The following MYO10 variants were observed in gnomAD, a reference collection of about 807,000 sequenced individuals.
MYO10 encodes myosin X.
A neutral mutation model predicts 257.3 loss-of-function variants in MYO10; 133 were observed. The observed-to-expected ratio is 0.52, with a 90% confidence interval of 0.45 to 0.60. The LOEUF (loss-of-function observed/expected upper bound fraction) is 0.60, where lower values mean the gene tolerates loss of function less well. MYO10 is among the 20% of genes least tolerant of loss of function. MYO10 has a pLI of 0.00. For synonymous variants in MYO10, 1,104 were observed against 1,028.6 expected, an observed-to-expected ratio of 1.07 and a Z score of -1.40; for missense variants, 2,399 against 2,635.7, an observed-to-expected ratio of 0.91 and a Z score of 1.97.
At chr5:16,912,242 T>C (rs1745678602) in intron 1 of MYO10, among the ~76,000 whole-genome samples, 1 of 152,152 alleles carries the variant, frequency 6.6e-6, no homozygotes, top group Non-Finnish European at 1.5e-5. Flanking sequence ...AACCAAAACA[T>C]TTTATGTTAC....
intron 1 of MYO10, among the ~76,000 whole-genome samples, chr5:16,927,473 A>C (rs1471572701): frequency 1.3e-5 from 2 of 152,020 alleles, no homozygotes; most frequent in East Asian, 1.9e-4. Flanking sequence ...TACAGGTGCC[A>C]GCCACCACGC....
At chr5:16,923,710 G>A (rs1056081408) in intron 1 of MYO10, among the ~76,000 whole-genome samples, 1 of 147,810 alleles carries the variant, frequency 6.8e-6, no homozygotes, top group Non-Finnish European at 1.5e-5. Context: ...TAACATCCTG[G>A]CCACCTAACA....
chr5:16,760,972 T>A (rs923258340), intron 17 of MYO10, among the ~76,000 whole-genome samples: 3 of 151,324 alleles, frequency 2.0e-5, no homozygotes, highest in African/African-American at 7.3e-5. Context: ...ATATTATTAT[T>A]ATTATTATTA....
intron 19 of MYO10, among the ~76,000 whole-genome samples, chr5:16,730,813 C>G (rs1196039441): frequency 6.6e-6 from 1 of 152,120 alleles, no homozygotes; most frequent in African/African-American, 2.4e-5. Context: ...TAGAGAGGAT[C>G]TGACAAAGGC....
chr5:16,694,908 A>ACAC (rs1471311346), intron 26 of MYO10, among the ~76,000 whole-genome samples: 4 of 152,240 alleles, frequency 2.6e-5, no homozygotes, highest in Non-Finnish European at 5.9e-5. Context: ...TAATGAACTG[A>ACAC]CACTCTAACC....
At chr5:16,771,177 T>G (rs1199125704) in intron 9 of MYO10, among the ~76,000 whole-genome samples, 1 of 152,048 alleles carries the variant, frequency 6.6e-6, no homozygotes, top group African/African-American at 2.4e-5. Context: ...GCGATAAAAA[T>G]AGGGAGAAAT....
rs1553996647 is a variant in MYO10 at position 16,792,132 on chromosome 5, CAGAGAG to C, written c.467+2508_467+2513del. Among the ~76,000 whole-genome samples, 33 of 75,382 alleles carry C rather than the reference CAGAGAG, an allele frequency of 4.4e-4. 1 individual carries two copies. Among genetic ancestry groups the C allele is most frequent in the Admixed American group, 8.7e-4 (6 of 6,934 alleles). The allele number at this position is 75,382 out of a possible 152,430, so 49.5% of individuals were successfully genotyped here. A position where few individuals can be genotyped will look rare whatever the true frequency, so the allele number is the denominator to read the frequency against. ...ACATACACACACACACACACACACA[CAGAGAG>C]AGAGAGAGAGAGAGAGAGAGAGAGA... On this transcript the variant is annotated intron_variant, in intron 4 of 40. Coordinates refer to ENST00000513610, the MANE Select transcript of MYO10 (RefSeq NM_012334.3).
intron 1 of MYO10, among the ~76,000 whole-genome samples, chr5:16,898,668 C>G (rs1745282632): frequency 6.6e-6 from 1 of 151,744 alleles, no homozygotes; most frequent in Admixed American, 6.6e-5. Context: ...CTCAGCCTCT[C>G]AAAGTGCTGG....
intron 1 of MYO10, among the ~76,000 whole-genome samples, chr5:16,924,259 A>C (rs1427250933): frequency 2.0e-5 from 3 of 152,174 alleles, no homozygotes; most frequent in Non-Finnish European, 2.9e-5. Flanking sequence ...CCTTGTTTGC[A>C]ATTAACAGAA....
intron 21 of MYO10, among the ~76,000 whole-genome samples, chr5:16,704,972 A>C (rs1275822631): frequency 1.3e-5 from 2 of 152,222 alleles, no homozygotes; most frequent in Non-Finnish European, 2.9e-5. Context: ...TAAGATGACT[A>C]CCAAATTGCT....
chr5:16,763,525 T>C lies in MYO10; in HGVS notation c.1450A>G (p.Ile484Val). The C allele has an allele frequency of 6.2e-7, 1 of 1,612,296 alleles. No individual in the cohort carries two copies. The change falls in exon 14 of 41, where the codon ATT becomes GTT. Residue 484 changes from isoleucine to valine, a missense_variant. By Grantham distance (29) the Ile-to-Val change is conservative. Coordinates refer to ENST00000513610, the MANE Select transcript of MYO10 (RefSeq NM_012334.3). ...CATTCTCCATTGTCTATCCAGTCAA[T>C]ATCTTCCCACACTAATCCTTCCCTG... The part of the protein sequence containing the change: ...YSREGLVWED[I>V]DWIDNGECLD...
intron 1 of MYO10, among the ~76,000 whole-genome samples, chr5:16,889,559 GGAAA>G (rs911670164): frequency 4.0e-5 from 6 of 148,726 alleles, no homozygotes; most frequent in South Asian, 2.1e-4. Flanking sequence ...AGGAAAGGAA[GGAAA>G]GAAAGAAAGA....
chr5:16,759,161 G>A (rs964556720), intron 17 of MYO10, among the ~76,000 whole-genome samples: 3 of 152,180 alleles, frequency 2.0e-5, no homozygotes, highest in Non-Finnish European at 2.9e-5. Flanking sequence ...GACTTCAGGT[G>A]ATCCACCCGC....
In MYO10 at chr5:16,818,435, TTTG is replaced by T. The variant is rs200962282; in HGVS notation, c.121-271_121-269del. 6.7e-3 allele frequency among the ~76,000 whole-genome samples: 995 copies of T among 149,610 alleles called. 16 individuals carry two copies. The highest frequency in any genetic ancestry group is 0.037 in the East Asian group (190 of 5,084). On this transcript the variant is annotated intron_variant, in intron 2 of 40. Coordinates refer to ENST00000513610, the MANE Select transcript of MYO10 (RefSeq NM_012334.3). ...GTATATATATATATATACACATATC[TTTG>T]TTGTTGTTGTTGTTTTGAGGCATGA...
intron 2 of MYO10, among the ~76,000 whole-genome samples, chr5:16,831,112 T>A (rs1743150385): frequency 1.3e-5 from 2 of 152,062 alleles, no homozygotes; most frequent in Non-Finnish European, 2.9e-5. Flanking sequence ...AAGAAACATA[T>A]GAAAACATGT....
intron 19 of MYO10, among the ~76,000 whole-genome samples, chr5:16,739,188 T>TC (rs201956501): frequency 1.6e-3 from 187 of 120,208 alleles, no homozygotes; most frequent in Non-Finnish European, 2.4e-3. Context: ...CATAATCATG[T>TC]CCCAAAAAAA....
chr5:16,694,509 T>A lies in MYO10; in HGVS notation c.3662A>T (p.Lys1221Ile). The part of the protein sequence containing the change: ...QEALKQGWLH[K>I]KGGGSSTLSR... The stretch of plus-strand genomic sequence containing the variant: ...CAGCGTGGAGGAGCCCCCCCCTTTT[T>A]TGTGGAGCCAGCCTTGCTTGAGGGC... Residue 1221 changes from lysine to isoleucine, a missense_variant, in exon 27 of 41, where the codon AAA becomes ATA. Physicochemically the swap from Lys to Ile is moderately radical, Grantham distance 102. This residue lies in a region of MYO10 where 1,820 missense variants were observed against 1,939.4 expected (regional missense o/e 0.94). Transcript: ENST00000513610. 6.2e-7 allele frequency: 1 copy of A among 1,613,984 alleles called. No individual in the cohort carries two copies. The highest frequency in any genetic ancestry group is 8.5e-7 in the Non-Finnish European group (1 of 1,179,882).
Position 16,936,167 on chromosome 5 carries a change from G to A in MYO10, c.-359C>T, listed in dbSNP as rs1420691757. 6.6e-6 allele frequency: 2 copies of A among 304,742 alleles called. No homozygotes were observed. The highest frequency in any genetic ancestry group is 1.2e-5 in the Non-Finnish European group (2 of 163,118). The allele number at this position is 304,742 out of a possible 1,614,324, so 18.9% of individuals were successfully genotyped here. On this transcript the variant is annotated 5_prime_UTR_variant, in exon 1 of 41. Transcript: ENST00000513610. ...CCCCTCCCTCTGCGCTCCGGCCGGG[G>A]GCCCTCGGGGCGGGCAGGAGGACAG... is the stretch of plus-strand genomic sequence containing the variant.
intron 2 of MYO10, among the ~76,000 whole-genome samples, chr5:16,861,026 G>A (rs1249333870): frequency 1.3e-5 from 2 of 152,040 alleles, no homozygotes; most frequent in Admixed American, 6.6e-5. Context: ...CAGCACCCAG[G>A]AGGCTTTTAA....
Sources: gnomAD v4.1 joint callset for allele counts (sites outside exome capture counted in the v4.1 genomes callset) on GRCh38, gnomAD v4.1.1 for gene constraint, gnomAD v4.1.1 regional missense constraint, MANE v1.5 for transcripts, NCBI Gene and HGNC (gene_info 2026-07-23, HGNC 2026-07-21) for gene names.